RBM19: variants seen among roughly 807,000 people sequenced by gnomAD.
RBM19 encodes the protein probable RNA-binding protein 19.
Under a neutral mutation model 116.8 loss-of-function variants are expected in RBM19, and 94 were observed. The observed-to-expected ratio is 0.80, with a 90% CI of 0.68 to 0.95. The LOEUF is 0.95. Ranked by LOEUF, RBM19 falls within the 40% of genes least tolerant of loss-of-function variation. RBM19 has a pLI of 0.00. For synonymous variants in RBM19, 475 were observed against 494.1 expected (o/e 0.96, Z 0.51); for missense variants, 1,161 against 1,220.7 (o/e 0.95, Z 0.73).
chr12:113,951,720 C>T (rs754683148), intron 8 of RBM19, among the ~76,000 whole-genome samples: 1 of 152,150 alleles, frequency 6.6e-6, no homozygotes, highest in East Asian at 1.9e-4. Context: ...GTGGGACTTC[C>T]GTGATAAGAG....
chr12:113,837,421 G>A (rs1876060991), intron 23 of RBM19, among the ~76,000 whole-genome samples: 1 of 152,212 alleles, frequency 6.6e-6, no homozygotes, highest in African/African-American at 2.4e-5. Flanking sequence ...AAGGAAGAGT[G>A]AGTGCCCCGA....
chr12:113,893,829 C>T (rs532743493), intron 21 of RBM19, among the ~76,000 whole-genome samples: 1 of 152,364 alleles, frequency 6.6e-6, no homozygotes, highest in Non-Finnish European at 1.5e-5. Flanking sequence ...TTCAATTCCT[C>T]AGTCACACTT....
chr12:113,896,676 G>A (rs980767863), intron 21 of RBM19, among the ~76,000 whole-genome samples: 2 of 152,272 alleles, frequency 1.3e-5, no homozygotes, highest in African/African-American at 4.8e-5. Flanking sequence ...GAGGGAAGGC[G>A]GGAGGAATGG....
At chr12:113,945,127 C>A (rs1870908511) in intron 13 of RBM19, among the ~76,000 whole-genome samples, 1 of 152,152 alleles carries the variant, frequency 6.6e-6, no homozygotes, top group African/African-American at 2.4e-5. Context: ...TTGCCACACA[C>A]ACAAAAAGGG....
intron 20 of RBM19, 98 bp downstream of exon 20, chr12:113,918,294 G>T: frequency 8.7e-7 from 1 of 1,144,454 alleles, no homozygotes; most frequent in Non-Finnish European, 1.3e-6. Flanking sequence ...TAGGTGGAAA[G>T]GACATTGAAG....
chr12:113,818,908 C>A (rs1301974987), downstream of RBM19, among the ~76,000 whole-genome samples: 8 of 152,190 alleles, frequency 5.3e-5, no homozygotes. Context: ...CTGTGTGTAT[C>A]CTATAGTAGA....
rs1252142916 is a variant in RBM19, at chr12:113,937,047, A to G, written c.2028T>C (p.Pro676=). The G allele has an allele frequency of 1.2e-6, 2 of 1,614,004 alleles. No individual in the cohort carries two copies. The highest frequency in any genetic ancestry group is 1.7e-5 in the Admixed American group (1 of 60,022). The change falls in exon 16 of 24, where the codon CCT becomes CCC. Residue 676 remains proline, a synonymous_variant. Coordinates refer to ENST00000261741, the MANE Select transcript of RBM19 (RefSeq NM_016196.4). ...CTGGGTCCTTTTCCATGGGTTCTGA[A>G]GGTGTGTCTTGGAGCTTTTTCTTCT... The part of the protein sequence containing the change: ...APQKKKLQDT[P]SEPMEKDPAE...
At chr12:113,958,168 A>G in intron 5 of RBM19, 118 bp from the exon 6 acceptor site, 1 of 1,499,388 alleles carries the variant, frequency 6.7e-7, no homozygotes, top group South Asian at 1.4e-5. Context: ...CACCGTGTCC[A>G]TGGCCCCTGT....
chr12:113,860,419 C>A (rs1052430416), intron 21 of RBM19, among the ~76,000 whole-genome samples: 5 of 152,198 alleles, frequency 3.3e-5, no homozygotes, highest in African/African-American at 7.2e-5. Flanking sequence ...GAGGGAAGGG[C>A]GTGGACAAAT....
rs372005773 is a variant in RBM19 at position 113,823,200 on chromosome 12, G to A, written c.*24C>T. The A allele has an allele frequency of 5.6e-6, 9 of 1,601,376 alleles. No homozygotes were observed. The highest frequency in any genetic ancestry group is 7.7e-6 in the Non-Finnish European group (9 of 1,176,166). Reference sequence around the variant, plus strand: ...CTGTCCCGGTCCCCAGGGCCCCGGAGCCACACACCCTCTCGGTGCCAGCTC... The same window carrying A: ...CTGTCCCGGTCCCCAGGGCCCCGGAACCACACACCCTCTCGGTGCCAGCTC... On this transcript the variant is annotated 3_prime_UTR_variant, in exon 24 of 24. Coordinates refer to ENST00000261741, the MANE Select transcript of RBM19 (RefSeq NM_016196.4).
rs1295851207 is a variant in RBM19 at position 113,844,771 on chromosome 12, CA to C, written c.2681del (p.Leu894ArgfsTer21). 1 of 1,613,034 alleles carries C rather than the reference CA, an allele frequency of 6.2e-7. No individual in the cohort carries two copies. Among genetic ancestry groups the C allele is most frequent in the Non-Finnish European group, 8.5e-7 (1 of 1,179,632 alleles). On this transcript the variant is annotated frameshift_variant, in exon 23 of 24. Coordinates refer to ENST00000261741, the MANE Select transcript of RBM19 (RefSeq NM_016196.4). LOFTEE classifies it high-confidence loss of function. ...GCCCGTACAAGTGGGTGCTGTGACA[CA>C]GGGCGTTGAAGGCTCTCTGCAGAGG... ...KQDAKRAFNA[L>X]CHSTHLYGRR... is the part of the protein sequence containing the mutation.
intron 22 of RBM19, among the ~76,000 whole-genome samples, chr12:113,854,947 T>C (rs1017908516): frequency 1.3e-5 from 2 of 152,236 alleles, no homozygotes; most frequent in African/African-American, 4.8e-5. Flanking sequence ...CGGGAGCCTC[T>C]TGCTATTATC....
intron 21 of RBM19, among the ~76,000 whole-genome samples, chr12:113,885,349 T>A (rs1052429805): frequency 6.6e-6 from 1 of 152,216 alleles, no homozygotes; most frequent in Admixed American, 6.5e-5. Context: ...GGCAACTGGC[T>A]TGTACTTTTC....
intron 1 of RBM19, among the ~76,000 whole-genome samples, chr12:113,963,751 G>C (rs1872669615): frequency 6.6e-6 from 1 of 152,208 alleles, no homozygotes; most frequent in Non-Finnish European, 1.5e-5. Context: ...TGGCACCAAA[G>C]TCTCAAGGAC....
At chr12:113,827,480 GGCAGGCAGGGAGAAAGGC>G (rs1351561155) in intron 23 of RBM19, among the ~76,000 whole-genome samples, 3 of 149,328 alleles carry the variant, frequency 2.0e-5, no homozygotes, top group Admixed American at 1.3e-4. Context: ...GGGAGGCGCA[GGCAGGCAGGGAGAAAGGC>G]GCAGGCAGGG....
intron 21 of RBM19, among the ~76,000 whole-genome samples, chr12:113,904,337 CTT>C (rs895952402): frequency 2.6e-5 from 4 of 152,214 alleles, no homozygotes; most frequent in African/African-American, 9.7e-5. Context: ...AAAAAAAACT[CTT>C]TCCCTTGAAT....
chr12:113,953,412 C>T (rs1369028015), intron 7 of RBM19, among the ~76,000 whole-genome samples: 7 of 152,098 alleles, frequency 4.6e-5, no homozygotes, highest in Non-Finnish European at 7.4e-5. Flanking sequence ...CACTTGAACC[C>T]GGGAGGCGGA....
chr12:113,965,083 C>T (rs1280144291), intron 1 of RBM19, among the ~76,000 whole-genome samples: 1 of 151,854 alleles, frequency 6.6e-6, no homozygotes, highest in Admixed American at 6.6e-5. Flanking sequence ...CCAACTTGTC[C>T]AACATGGCGA....
chr12:113,946,326 G>T, intron 12 of RBM19, 28 bp downstream of exon 12: 1 of 1,614,032 alleles, frequency 6.2e-7, no homozygotes, highest in East Asian at 2.2e-5. Flanking sequence ...TGGGGTTGGA[G>T]CTCAGTGGTT....
Sources: allele counts gnomAD v4.1 joint callset (sites outside exome capture counted in the v4.1 genomes callset), GRCh38; gene constraint gnomAD v4.1.1; transcripts MANE v1.5; gene names NCBI Gene and HGNC (gene_info 2026-07-23, HGNC 2026-07-21).